Variants in ZNF362 observed in about 807,000 individuals in gnomAD.
ZNF362 encodes the protein zinc finger protein 362.
A neutral mutation model predicts 42.9 loss-of-function variants in ZNF362; 11 were observed. The ratio of observed to expected loss-of-function variants is 0.26; its 90% CI spans 0.16 to 0.42. The LOEUF (loss-of-function observed/expected upper bound fraction) is 0.42, where lower values mean the gene tolerates loss of function less well. ZNF362 is among the 20% of genes least tolerant of loss of function. ZNF362 has a pLI of 1.00. For missense variants in ZNF362, 362 were observed against 576.2 expected (o/e 0.63, Z 3.81); for synonymous variants, 255 against 257.3 (o/e 0.99, Z 0.09).
At chr1:33,187,300 C>G in the ZNF362 span, among the ~76,000 whole-genome samples, 19 of 152,334 alleles carry the variant, frequency 1.2e-4, no homozygotes, top group African/African-American at 3.8e-4. Context: ...CTTGGGAATA[C>G]ATTGACAGGT....
the ZNF362 span, among the ~76,000 whole-genome samples, chr1:33,229,395 T>G: frequency 6.6e-6 from 1 of 150,656 alleles, no homozygotes; most frequent in South Asian, 2.1e-4. Context: ...AAAAGTCATT[T>G]CTATTCTGCC....
the ZNF362 span, among the ~76,000 whole-genome samples, chr1:33,227,001 A>G: frequency 6.6e-6 from 1 of 152,236 alleles, no homozygotes; most frequent in Non-Finnish European, 1.5e-5. Flanking sequence ...AAAGTAGATT[A>G]CTGGTTGCCA....
the ZNF362 span, among the ~76,000 whole-genome samples, chr1:33,246,431 A>C: frequency 9.2e-5 from 14 of 152,288 alleles, no homozygotes; most frequent in African/African-American, 2.9e-4. Flanking sequence ...ACTCCCAAAG[A>C]AGGGGCCTGG....
chr1:33,290,685 G>A (rs1646071060), intron 6 of ZNF362, among the ~76,000 whole-genome samples: 1 of 151,918 alleles, frequency 6.6e-6, no homozygotes, highest in Non-Finnish European at 1.5e-5. Flanking sequence ...CACCAACAGT[G>A]TAAAAGTGTT....
At chr1:33,165,258 C>T in the ZNF362 span, 7 of 485,286 alleles carry the variant, frequency 1.4e-5, no homozygotes, top group Non-Finnish European at 2.2e-5. The surrounding 1 kb of genome is among the most constrained non-coding windows in gnomAD (Gnocchi z 4.0). Context: ...ACATCCTTGC[C>T]GCCAGTCATG....
the ZNF362 span, among the ~76,000 whole-genome samples, chr1:33,171,928 C>A: frequency 5.3e-5 from 8 of 152,174 alleles, no homozygotes; most frequent in South Asian, 2.1e-4. Flanking sequence ...ATTATAGGCG[C>A]CCGACACCAC....
chr1:33,269,249 ACTTT>A (rs1402031386), intron 1 of ZNF362, among the ~76,000 whole-genome samples: 1 of 151,952 alleles, frequency 6.6e-6, no homozygotes, highest in Admixed American at 6.6e-5. Flanking sequence ...GCTACCAACT[ACTTT>A]CTTTCATTTT....
the ZNF362 span, chr1:33,165,892 G>A: frequency 5.0e-5 from 10 of 201,824 alleles, no homozygotes; most frequent in African/African-American, 2.1e-4. The surrounding 1 kb of genome is among the most constrained non-coding windows in gnomAD (Gnocchi z 4.0). Context: ...ATTAAGGCAG[G>A]GGTCTCCAAC....
At chr1:33,140,191 C>A in the ZNF362 span, among the ~76,000 whole-genome samples, 2 of 152,056 alleles carry the variant, frequency 1.3e-5, no homozygotes, top group African/African-American at 4.8e-5. The surrounding 1 kb of genome is among the most constrained non-coding windows in gnomAD (Gnocchi z 4.0). Context: ...CTTGTTCAGC[C>A]GATGAGGAAC....
At chr1:33,228,711 C>T in the ZNF362 span, among the ~76,000 whole-genome samples, 1 of 152,174 alleles carries the variant, frequency 6.6e-6, no homozygotes, top group Non-Finnish European at 1.5e-5. Context: ...GAAGCCATCA[C>T]CATCTCTCCA....
rs1400515635 is a variant in ZNF362, at chr1:33,294,028, A to C, written c.909-909A>C. 6.6e-6 allele frequency among the ~76,000 whole-genome samples: 1 copy of C among 152,080 alleles called. No homozygotes were observed. The highest frequency in any genetic ancestry group is 2.4e-5 in the African/African-American group (1 of 41,472). On this transcript the variant is annotated intron_variant, in intron 6 of 8. Transcript: ENST00000539719. The surrounding 1 kb of genome is among the most constrained non-coding windows in gnomAD (Gnocchi z 4.2). ...CTTCTACATGTGATTTACTTATTTC[A>C]CGCTTGTTGCTTATTTCCTCCAGGC...
chr1:33,158,173 A>C, the ZNF362 span: 1 of 1,316,456 alleles, frequency 7.6e-7, no homozygotes, highest in South Asian at 1.2e-5. Context: ...CAACTGCCCC[A>C]TGCTGTGTTT....
intron 1 of ZNF362, among the ~76,000 whole-genome samples, chr1:33,263,397 G>T (rs984472073): frequency 5.3e-5 from 8 of 151,974 alleles, no homozygotes; most frequent in African/African-American, 1.9e-4. Flanking sequence ...CTATATAAAA[G>T]ATCACACAAA....
chr1:33,141,860 A>AT, the ZNF362 span: 1 of 162,604 alleles, frequency 6.1e-6, no homozygotes, highest in Non-Finnish European at 1.3e-5. Flanking sequence ...AAACTGTACT[A>AT]TTTTGTATTT....
chr1:33,247,853 G>T, the ZNF362 span, among the ~76,000 whole-genome samples: 1 of 152,216 alleles, frequency 6.6e-6, no homozygotes, highest in African/African-American at 2.4e-5. Flanking sequence ...ACACCCATGA[G>T]CTCCTTAGAC....
At chr1:33,166,638 G>A in the ZNF362 span, among the ~76,000 whole-genome samples, 1 of 152,106 alleles carries the variant, frequency 6.6e-6, no homozygotes, top group Non-Finnish European at 1.5e-5. Context: ...AACATATAAT[G>A]GTAAAGAAGG....
the ZNF362 span, among the ~76,000 whole-genome samples, chr1:33,135,890 A>G: frequency 6.7e-6 from 1 of 150,104 alleles, no homozygotes; most frequent in Non-Finnish European, 1.5e-5. Context: ...TGAATGAGGG[A>G]GTGAGGGAGT....
At chr1:33,247,689 G>C in the ZNF362 span, among the ~76,000 whole-genome samples, 1 of 152,248 alleles carries the variant, frequency 6.6e-6, no homozygotes, top group East Asian at 1.9e-4. Flanking sequence ...TCCTCTGGCA[G>C]TCCCCGGGCC....
At chr1:33,137,622 A>G in the ZNF362 span, among the ~76,000 whole-genome samples, 3 of 152,290 alleles carry the variant, frequency 2.0e-5, no homozygotes, top group East Asian at 5.8e-4. Flanking sequence ...CTTGCCCAAC[A>G]TCACACTTAA....
Sources: gnomAD v4.1 joint callset for allele counts (sites outside exome capture counted in the v4.1 genomes callset) on GRCh38, gnomAD v4.1.1 for gene constraint, Gnocchi (gnomAD v3.1) non-coding constraint, MANE v1.5 for transcripts, NCBI Gene and HGNC (gene_info 2026-07-23, HGNC 2026-07-21) for gene names.